The following ANO2 variants were observed in gnomAD, a reference collection of about 807,000 sequenced individuals.
The protein encoded by ANO2 is anoctamin 2.
Under a neutral mutation model 124.2 loss-of-function variants are expected in ANO2, and 101 were observed. The ratio of observed to expected loss-of-function variants is 0.81; its 90% CI spans 0.69 to 0.96. The LOEUF is 0.96. Among genes scored for constraint, ANO2 ranks in the 40% least tolerant of loss-of-function variants. ANO2 has a pLI of 0.00. For missense variants in ANO2, 1,293 were observed against 1,274.5 expected, an observed-to-expected ratio of 1.01 and a Z score of -0.22; for synonymous variants, 486 against 482.5, an observed-to-expected ratio of 1.01 and a Z score of -0.09.
At chr12:5,710,398 C>T (rs1949767898) in intron 14 of ANO2, among the ~76,000 whole-genome samples, 1 of 152,244 alleles carries the variant, frequency 6.6e-6, no homozygotes, top group South Asian at 2.1e-4. Context: ...AATTAGTTTG[C>T]ATCCCCCACC....
chr12:5,845,437 G>A (rs1408116079), intron 4 of ANO2, among the ~76,000 whole-genome samples: 1 of 150,560 alleles, frequency 6.6e-6, no homozygotes, highest in African/African-American at 2.4e-5. Flanking sequence ...CGTGGTGGCA[G>A]GCACCTGTAG....
At chr12:5,660,024 A>G (rs1422252174) in intron 14 of ANO2, among the ~76,000 whole-genome samples, 1 of 152,212 alleles carries the variant, frequency 6.6e-6, no homozygotes, top group Non-Finnish European at 1.5e-5. Flanking sequence ...TGCAAAATAG[A>G]GAGGCCAGCC....
chr12:5,605,378 T>C (rs913262970), intron 19 of ANO2, among the ~76,000 whole-genome samples: 19 of 152,244 alleles, frequency 1.2e-4, no homozygotes, highest in Admixed American at 1.2e-3. Context: ...AGAAAGTTTA[T>C]GAAATCTTAC....
chr12:5,697,404 C>G (rs1949226315), intron 14 of ANO2, among the ~76,000 whole-genome samples: 1 of 151,978 alleles, frequency 6.6e-6, no homozygotes, highest in African/African-American at 2.4e-5. Flanking sequence ...TGCACTCCAG[C>G]CTGGGCAACA....
At chr12:5,798,999 C>T (rs1319709292) in intron 10 of ANO2, among the ~76,000 whole-genome samples, 1 of 152,186 alleles carries the variant, frequency 6.6e-6, no homozygotes, top group African/African-American at 2.4e-5. Flanking sequence ...TCTGTGACAA[C>T]ACAGAAGGGA....
intron 12 of ANO2, chr12:5,740,158 AG>A (rs1951040936): frequency 2.8e-6 from 1 of 351,816 alleles, no homozygotes; most frequent in Non-Finnish European, 5.6e-6. Context: ...TTGTTATACC[AG>A]GGCTGAACAT....
chr12:5,626,748 C>A (rs1186707389), intron 16 of ANO2, among the ~76,000 whole-genome samples: 1 of 152,176 alleles, frequency 6.6e-6, no homozygotes, highest in Non-Finnish European at 1.5e-5. Context: ...AGGGAGAATT[C>A]ATCCTGCAAG....
In ANO2 at chr12:5,926,117, CCAAA is replaced by C. The variant is rs1473074626; in HGVS notation, c.23-3317_23-3314del. ...ATTTCCTGCTCCTGCAAATGCTCCACCAAACAGTCAACGAGCTGGAAATCTAGAA... is the reference window on the plus strand; with the variant it reads ...ATTTCCTGCTCCTGCAAATGCTCCACCAGTCAACGAGCTGGAAATCTAGAA... On this transcript the variant is annotated intron_variant, in intron 1 of 24. Coordinates refer to ENST00000682330, the MANE Select transcript of ANO2 (RefSeq NM_001364791.2). 2.0e-5 allele frequency among the ~76,000 whole-genome samples: 3 copies of C among 152,252 alleles called. No individual in the cohort carries two copies. The East Asian group carries it at 5.8e-4, about 29-fold the overall frequency.
At chr12:5,830,022 T>A (rs928225434) in intron 6 of ANO2, among the ~76,000 whole-genome samples, 1 of 152,016 alleles carries the variant, frequency 6.6e-6, no homozygotes, top group African/African-American at 2.4e-5. Context: ...GGCCCAACAA[T>A]CAGAAGGACT....
chr12:5,945,092 G>T (rs1184851270), intron 1 of ANO2, 104 bp downstream of exon 1: 6 of 1,128,348 alleles, frequency 5.3e-6, no homozygotes, highest in African/African-American at 1.6e-5. Flanking sequence ...GGCTCCCTTG[G>T]GGGTCCCCAA....
chr12:5,613,681 G>C (rs752586338), intron 17 of ANO2, among the ~76,000 whole-genome samples: 25 of 152,100 alleles, frequency 1.6e-4, no homozygotes, highest in Non-Finnish European at 3.5e-4. Flanking sequence ...AAGTCTTCTT[G>C]TTGTCTCCGT....
intron 13 of ANO2, chr12:5,733,051 G>T (rs771800059): frequency 8.4e-6 from 6 of 711,622 alleles, no homozygotes; most frequent in Non-Finnish European, 2.5e-6. Context: ...CCAACTCCCA[G>T]CTGGAGAAAC....
At chr12:5,618,185 A>G (rs929897998) in intron 16 of ANO2, among the ~76,000 whole-genome samples, 2 of 152,308 alleles carry the variant, frequency 1.3e-5, no homozygotes, top group East Asian at 3.9e-4. Flanking sequence ...CCCTGCCTGA[A>G]GGTCACCTTT....
chr12:5,844,765 G>T (rs574422384), intron 4 of ANO2, among the ~76,000 whole-genome samples: 1 of 152,064 alleles, frequency 6.6e-6, no homozygotes, highest in East Asian at 1.9e-4. Flanking sequence ...GCAGAACATT[G>T]GTTCCTCAGG....
intron 20 of ANO2, among the ~76,000 whole-genome samples, chr12:5,587,605 G>C (rs759447427): frequency 1.1e-4 from 16 of 152,186 alleles, no homozygotes; most frequent in Non-Finnish European, 2.1e-4. Flanking sequence ...TCTTGGGCCA[G>C]TTTTCTTTCA....
chr12:5,923,204 A>G (rs961885207), intron 1 of ANO2, among the ~76,000 whole-genome samples: 12 of 148,232 alleles, frequency 8.1e-5, no homozygotes, highest in Admixed American at 1.3e-4. Context: ...ACGCACGCAC[A>G]CACACCCACA....
At chr12:5,825,117 T>C (rs941885691) in intron 7 of ANO2, among the ~76,000 whole-genome samples, 1 of 152,224 alleles carries the variant, frequency 6.6e-6, no homozygotes, top group African/African-American at 2.4e-5. Flanking sequence ...TCCACTATCA[T>C]GGTATTCCAT....
chr12:5,870,665 C>T (rs1955550797), intron 3 of ANO2, among the ~76,000 whole-genome samples: 1 of 152,240 alleles, frequency 6.6e-6, no homozygotes, highest in South Asian at 2.1e-4. Context: ...AGAACTGCAT[C>T]TTTTCTTGTC....
chr12:5,945,240 G>A lies in ANO2; in HGVS notation c.-23C>T. Reference sequence around the variant, plus strand: ...CATGATGTGGACGCAGACCCCGCCGGCCCGCGGCCGCGCGCTTCTGGGCAG... The same window carrying A: ...CATGATGTGGACGCAGACCCCGCCGACCCGCGGCCGCGCGCTTCTGGGCAG... On this transcript the variant is annotated 5_prime_UTR_variant, in exon 1 of 25. Transcript: ENST00000682330. The A allele has an allele frequency of 7.8e-7, 1 of 1,284,678 alleles. No individual in the cohort carries two copies. Among genetic ancestry groups the A allele is most frequent in the Non-Finnish European group, 1.0e-6 (1 of 986,080 alleles). The allele number at this position is 1,284,678 out of a possible 1,614,324, so 79.6% of individuals were successfully genotyped here.
Sources: allele counts gnomAD v4.1 joint callset (sites outside exome capture counted in the v4.1 genomes callset), GRCh38; gene constraint gnomAD v4.1.1; transcripts MANE v1.5; gene names NCBI Gene and HGNC (gene_info 2026-07-23, HGNC 2026-07-21).